The following POU6F2 variants were observed in gnomAD, a reference collection of about 807,000 sequenced individuals.
POU6F2 encodes POU domain, class 6, transcription factor 2.
Under a neutral mutation model 71.3 loss-of-function variants are expected in POU6F2, and 31 were observed. That is an observed-to-expected ratio of 0.43 (90% CI 0.33 to 0.59). POU6F2 has a LOEUF of 0.59. Among genes scored for constraint, POU6F2 ranks in the 20% least tolerant of loss-of-function variants. The probability of loss-of-function intolerance (pLI) is 0.04; values close to 1 mark genes in which losing one functional copy is unlikely to be tolerated. For missense variants in POU6F2, 783 were observed against 856.8 expected (o/e 0.91, Z 1.07); for synonymous variants, 347 against 355.7 (o/e 0.98, Z 0.27).
At chr7:39,306,085 T>C (rs6962816) in intron 4 of POU6F2, among the ~76,000 whole-genome samples, 103,756 of 152,032 alleles carry the variant, frequency 0.68, 35,458 homozygotes, top group Admixed American at 0.77. Flanking sequence ...CCTATATCCA[T>C]GAGCAATGTC....
At position 39,451,698 on chromosome 7, in the gene POU6F2, A is replaced by G. The variant is rs1161909807; in HGVS notation, c.1486A>G (p.Ser496Gly). 1 of 1,584,304 alleles carries G rather than the reference A, an allele frequency of 6.3e-7. No homozygotes were observed. The highest frequency in any genetic ancestry group is 8.6e-7 in the Non-Finnish European group (1 of 1,164,746). ...SSALSVGQLV[S>G]NPQTAAGEVD... ...AGCTTTGAGCGTGGGCCAGTTAGTC[A>G]GCAGTAAGTATCCTTTCTGGCTCGG... The change falls in exon 8 of 10, where the codon AGC becomes GGC. Residue 496 changes from serine to glycine, a missense_variant. Coordinates refer to ENST00000518318, the MANE Select transcript of POU6F2 (RefSeq NM_001370959.1).
At chr7:39,438,286 T>C (rs556300553) in intron 7 of POU6F2, among the ~76,000 whole-genome samples, 1 of 152,372 alleles carries the variant, frequency 6.6e-6, no homozygotes, top group South Asian at 2.1e-4. Context: ...TCATCCTTTT[T>C]TGTGGCTGCA....
At chr7:39,165,386 CAGT>C (rs1338017560) in intron 2 of POU6F2, among the ~76,000 whole-genome samples, 3 of 152,140 alleles carry the variant, frequency 2.0e-5, no homozygotes, top group Non-Finnish European at 4.4e-5. Context: ...TTGTCTAAGA[CAGT>C]GATGCCTTAC....
At chr7:39,227,534 C>A (rs1345203585) in intron 4 of POU6F2, among the ~76,000 whole-genome samples, 1 of 150,964 alleles carries the variant, frequency 6.6e-6, no homozygotes, top group African/African-American at 2.4e-5. Flanking sequence ...ATCTGAGGTA[C>A]CTCGTGACAT....
At chr7:39,053,024 G>T (rs1327546503) in intron 1 of POU6F2, among the ~76,000 whole-genome samples, 1 of 152,120 alleles carries the variant, frequency 6.6e-6, no homozygotes, top group Non-Finnish European at 1.5e-5. Flanking sequence ...GCCTGCCACA[G>T]ATCTACTGAA....
chr7:39,189,500 G>A (rs776561872), intron 2 of POU6F2, among the ~76,000 whole-genome samples: 1 of 152,146 alleles, frequency 6.6e-6, no homozygotes, highest in Non-Finnish European at 1.5e-5. Context: ...CCAGGTTCAA[G>A]CTATTCTCCT....
intron 4 of POU6F2, among the ~76,000 whole-genome samples, chr7:39,330,291 C>T (rs774096443): frequency 9.2e-5 from 14 of 152,270 alleles, no homozygotes; most frequent in South Asian, 2.1e-4. Flanking sequence ...AAGCATAGCA[C>T]GATTTTTAGT....
At chr7:39,054,408 A>C (rs1790464643) in intron 1 of POU6F2, among the ~76,000 whole-genome samples, 1 of 152,152 alleles carries the variant, frequency 6.6e-6, no homozygotes, top group Non-Finnish European at 1.5e-5. Context: ...TAAGCAACTT[A>C]CTCAAACCTC....
intron 2 of POU6F2, among the ~76,000 whole-genome samples, chr7:39,169,529 C>T (rs756145590): frequency 5.9e-5 from 9 of 152,196 alleles, no homozygotes; most frequent in Admixed American, 4.6e-4. Flanking sequence ...TTCATCAAGT[C>T]ATACAATGTT....
chr7:39,344,170 C>A (rs1056362501), intron 5 of POU6F2, among the ~76,000 whole-genome samples: 1 of 152,060 alleles, frequency 6.6e-6, no homozygotes, highest in Non-Finnish European at 1.5e-5. Context: ...ATAATCTTTT[C>A]CTTTTCTTGT....
intron 9 of POU6F2, among the ~76,000 whole-genome samples, chr7:39,462,620 C>T (rs1256611591): frequency 1.3e-5 from 2 of 152,068 alleles, no homozygotes; most frequent in Admixed American, 1.3e-4. Context: ...TTATGGCAAA[C>T]GATGGCAAAA....
chr7:39,401,598 A>T (rs1422790200), intron 5 of POU6F2, among the ~76,000 whole-genome samples: 1 of 152,204 alleles, frequency 6.6e-6, no homozygotes, highest in Non-Finnish European at 1.5e-5. Flanking sequence ...ACCAAGAGAC[A>T]CTTTTTCATA....
chr7:39,374,328 T>C (rs1786669408), intron 5 of POU6F2, among the ~76,000 whole-genome samples: 1 of 152,208 alleles, frequency 6.6e-6, no homozygotes, highest in South Asian at 2.1e-4. Context: ...CCACCTGCAC[T>C]GGACCTGTAC....
At chr7:39,233,158 T>C (rs924848075) in intron 4 of POU6F2, among the ~76,000 whole-genome samples, 3 of 152,186 alleles carry the variant, frequency 2.0e-5, no homozygotes. Flanking sequence ...TCAGCCCACA[T>C]TCTCAATATT....
At chr7:39,098,639 A>G (rs1400617526) in intron 2 of POU6F2, among the ~76,000 whole-genome samples, 3 of 152,206 alleles carry the variant, frequency 2.0e-5, no homozygotes, top group Admixed American at 6.5e-5. Flanking sequence ...TGTGGGCTTG[A>G]GTCCGGCTCT....
intron 4 of POU6F2, among the ~76,000 whole-genome samples, chr7:39,320,137 G>C (rs545883562): frequency 6.6e-6 from 1 of 152,290 alleles, no homozygotes; most frequent in South Asian, 2.1e-4. Flanking sequence ...CTTCTCACCT[G>C]GGAGGTCCAG....
At chr7:39,169,139 C>A (rs1292529874) in intron 2 of POU6F2, among the ~76,000 whole-genome samples, 1 of 152,222 alleles carries the variant, frequency 6.6e-6, no homozygotes, top group Non-Finnish European at 1.5e-5. Context: ...GGAAGATGAA[C>A]TTTGTACAGT....
At chr7:39,288,834 T>A (rs1377473053) in intron 4 of POU6F2, among the ~76,000 whole-genome samples, 7 of 152,148 alleles carry the variant, frequency 4.6e-5, no homozygotes, top group Non-Finnish European at 8.8e-5. Flanking sequence ...CAAGCCCCCA[T>A]GCAATTTCAG....
intron 4 of POU6F2, among the ~76,000 whole-genome samples, chr7:39,286,319 A>G (rs969675086): frequency 1.3e-5 from 2 of 152,234 alleles, no homozygotes; most frequent in Admixed American, 1.3e-4. Context: ...ACAGTTTACA[A>G]GGAGGAAACA....
Sources: allele counts gnomAD v4.1 joint callset (sites outside exome capture counted in the v4.1 genomes callset), GRCh38; gene constraint gnomAD v4.1.1; transcripts MANE v1.5; gene names NCBI Gene and HGNC (gene_info 2026-07-23, HGNC 2026-07-21).